Variants in SPATA17 observed in about 807,000 individuals in gnomAD.
SPATA17 encodes the protein spermatogenesis-associated protein 17.
SPATA17 carries 53 observed loss-of-function variants against 62.2 expected under a neutral mutation model. The observed-to-expected ratio is 0.85, with a 90% CI of 0.68 to 1.07. SPATA17 has a LOEUF of 1.07. Among genes scored for constraint, SPATA17 ranks in the 50% least tolerant of loss-of-function variants. The pLI is 0.00. For synonymous variants in SPATA17, 146 were observed against 146.8 expected (o/e 0.99, Z 0.04); for missense variants, 466 against 425.5 (o/e 1.10, Z -0.84).
At chr1:217,735,430 T>A (rs1299662361) in intron 5 of SPATA17, among the ~76,000 whole-genome samples, 1 of 152,172 alleles carries the variant, frequency 6.6e-6, no homozygotes, top group Non-Finnish European at 1.5e-5. Flanking sequence ...TCCACCTCCA[T>A]AATTGAATTA....
chr1:217,812,850 T>A (rs965450883), intron 9 of SPATA17, among the ~76,000 whole-genome samples: 2 of 152,152 alleles, frequency 1.3e-5, no homozygotes, highest in Non-Finnish European at 2.9e-5. Flanking sequence ...TCCATAGGCA[T>A]TTTAGACAAC....
intron 4 of SPATA17, among the ~76,000 whole-genome samples, chr1:217,676,596 G>A (rs922489088): frequency 6.6e-6 from 1 of 152,126 alleles, no homozygotes; most frequent in Non-Finnish European, 1.5e-5. Context: ...ATCTGTCACA[G>A]ACTTTGGAAT....
At chr1:217,685,045 CGT>C (rs1671186352) in intron 5 of SPATA17, among the ~76,000 whole-genome samples, 1 of 152,074 alleles carries the variant, frequency 6.6e-6, no homozygotes, top group Non-Finnish European at 1.5e-5. Flanking sequence ...CTTCTTGAAA[CGT>C]ATAAAATTCT....
chr1:217,668,922 G>A, intron 3 of SPATA17, 111 bp from the exon 4 acceptor site: 1 of 932,676 alleles, frequency 1.1e-6, no homozygotes, highest in Non-Finnish European at 1.7e-6. Context: ...TCTAAGGCTA[G>A]AACTCTTATT....
At chr1:217,862,481 T>C (rs1014279433) in intron 9 of SPATA17, among the ~76,000 whole-genome samples, 9 of 152,176 alleles carry the variant, frequency 5.9e-5, no homozygotes, top group African/African-American at 2.2e-4. Context: ...AAAATTTAGA[T>C]TGCGACTCAT....
chr1:217,759,068 A>C (rs756632927), intron 6 of SPATA17, among the ~76,000 whole-genome samples: 1 of 152,186 alleles, frequency 6.6e-6, no homozygotes, highest in Non-Finnish European at 1.5e-5. Context: ...GGAAGACTGG[A>C]CCATGTGCCA....
At position 217,665,020 on chromosome 1, in the gene SPATA17, G is replaced by A. The variant is rs139905659; in HGVS notation, c.241-4013G>A. On this transcript the variant is annotated intron_variant, in intron 3 of 10. Transcript: ENST00000366933. ...ACGTGCAGTAATTTGATCAGATTGA[G>A]GTTTAAGGGAAAGGAATAGGGAGGG... Among the ~76,000 whole-genome samples the A allele has an allele frequency of 4.4e-3, 675 of 152,146 alleles. 4 individuals are homozygous for A. The highest frequency in any genetic ancestry group is 0.015 in the African/African-American group (624 of 41,506).
chr1:217,818,891 T>TTA (rs1674788499), intron 9 of SPATA17, among the ~76,000 whole-genome samples: 1 of 150,882 alleles, frequency 6.6e-6, no homozygotes, highest in Admixed American at 6.6e-5. Flanking sequence ...CCTTTTTTTT[T>TTA]TTTTTTGGCT....
rs1346095315 is a variant in SPATA17, at chr1:217,869,260, G to A, written c.*2241G>A. 1 of 152,196 alleles carries A rather than the reference G, an allele frequency of 6.6e-6. No individual in the cohort carries two copies. Among genetic ancestry groups the A allele is most frequent in the Admixed American group, 6.5e-5 (1 of 15,276 alleles). The allele number at this position is 152,196 out of a possible 1,614,324, so 9.4% of individuals were successfully genotyped here. ...CTTCCAGGTCATAGTTGGAGTCAAA[G>A]ACTTTCCAATTGGCAATTGGTTCAA... On this transcript the variant is annotated 3_prime_UTR_variant, in exon 11 of 11. Transcript: ENST00000366933.
At chr1:217,735,771 TA>T (rs1044888051) in intron 5 of SPATA17, among the ~76,000 whole-genome samples, 22 of 152,182 alleles carry the variant, frequency 1.4e-4, no homozygotes, top group African/African-American at 4.6e-4. Flanking sequence ...ATAAAAATTA[TA>T]AAGATTCTGT....
At chr1:217,663,581 T>C (rs1371191687) in intron 3 of SPATA17, among the ~76,000 whole-genome samples, 1 of 152,156 alleles carries the variant, frequency 6.6e-6, no homozygotes, top group Non-Finnish European at 1.5e-5. Flanking sequence ...AATTATGAAA[T>C]GTCGATGGCC....
rs1255981989 is a variant in SPATA17 at position 217,741,315 on chromosome 1, CATAA to C, written c.396-655_396-652del. On this transcript the variant is annotated intron_variant, in intron 5 of 10. Transcript: ENST00000366933. ...TTTTTGTTTATATTTCTTAGATACA[CATAA>C]ATAATGAAAAGTTTCATTATTTTAA... 7.9e-5 allele frequency among the ~76,000 whole-genome samples: 12 copies of C among 152,154 alleles called. No homozygotes were observed. The East Asian group carries it at 1.9e-3, about 24-fold the overall frequency.
In SPATA17 at chr1:217,813,818, A is replaced by G. The variant is rs139501343; in HGVS notation, c.1005+11968A>G. On this transcript the variant is annotated intron_variant, in intron 9 of 10. Transcript: ENST00000366933. Reference sequence around the variant, plus strand: ...TATAGATGCATTTGTATATGCATATATTTATATATGTATATGTATACTCTA... The same window carrying G: ...TATAGATGCATTTGTATATGCATATGTTTATATATGTATATGTATACTCTA... Among the ~76,000 whole-genome samples the G allele has an allele frequency of 1.3e-3, 193 of 152,144 alleles. 2 individuals are homozygous for G. The highest frequency in any genetic ancestry group is 4.1e-3 in the African/African-American group (172 of 41,540).
At chr1:217,866,034 G>T (rs1332922638) in intron 10 of SPATA17, among the ~76,000 whole-genome samples, 1 of 152,126 alleles carries the variant, frequency 6.6e-6, no homozygotes, top group Non-Finnish European at 1.5e-5. Context: ...ACTGGGAAAG[G>T]GGTTAAATGC....
intron 5 of SPATA17, among the ~76,000 whole-genome samples, chr1:217,724,912 A>C (rs1672228717): frequency 6.6e-6 from 1 of 152,134 alleles, no homozygotes; most frequent in Non-Finnish European, 1.5e-5. Flanking sequence ...ATCTGTGCTG[A>C]AATTATCTTT....
chr1:217,734,551 A>C (rs1672468302), intron 5 of SPATA17, among the ~76,000 whole-genome samples: 1 of 152,172 alleles, frequency 6.6e-6, no homozygotes, highest in Admixed American at 6.5e-5. Context: ...CACTGACTTT[A>C]CTTGCCATGA....
chr1:217,781,932 A>G (rs1673736589), intron 7 of SPATA17, among the ~76,000 whole-genome samples: 3 of 152,154 alleles, frequency 2.0e-5, no homozygotes, highest in Admixed American at 6.6e-5. Context: ...CTTTTGATGT[A>G]AGTGGGGAAA....
At chr1:217,828,210 G>A (rs1229378804) in intron 9 of SPATA17, among the ~76,000 whole-genome samples, 3 of 151,912 alleles carry the variant, frequency 2.0e-5, no homozygotes, top group African/African-American at 7.3e-5. Context: ...AAACAGTATG[G>A]TACTAGCATA....
intron 5 of SPATA17, among the ~76,000 whole-genome samples, chr1:217,704,743 T>A (rs920759784): frequency 2.6e-5 from 4 of 152,304 alleles, no homozygotes; most frequent in South Asian, 2.1e-4. Flanking sequence ...ATTTTTTTTT[T>A]AAATGTGTGG....
Sources: allele counts gnomAD v4.1 joint callset (sites outside exome capture counted in the v4.1 genomes callset), GRCh38; gene constraint gnomAD v4.1.1; transcripts MANE v1.5; gene names NCBI Gene and HGNC (gene_info 2026-07-23, HGNC 2026-07-21).